TBC1D8: variants seen among roughly 807,000 people sequenced by gnomAD.
TBC1D8 encodes the protein TBC1 domain family member 8, also known as BUB2-like protein 1.
Under a neutral mutation model 118.8 loss-of-function variants are expected in TBC1D8, and 65 were observed. The ratio of observed to expected loss-of-function variants is 0.55; its 90% CI spans 0.45 to 0.67. The LOEUF is 0.67. Among genes scored for constraint, TBC1D8 ranks in the 30% least tolerant of loss-of-function variants. The pLI, the probability that TBC1D8 is intolerant of heterozygous loss-of-function variation, is 0.00. For missense variants in TBC1D8, 1,376 were observed against 1,471.2 expected, an observed-to-expected ratio of 0.94 and a Z score of 1.06; for synonymous variants, 566 against 595.8, an observed-to-expected ratio of 0.95 and a Z score of 0.73.
At chr2:101,126,492 A>T (rs1678364653) in intron 1 of TBC1D8, among the ~76,000 whole-genome samples, 1 of 152,204 alleles carries the variant, frequency 6.6e-6, no homozygotes, top group African/African-American at 2.4e-5. Flanking sequence ...TCACAGAAAG[A>T]AAAGACAGAT....
Position 101,017,085 on chromosome 2 carries a change from AAAAAAGAC to A in TBC1D8, c.2827+4588_2827+4595del, listed in dbSNP as rs1190381843. Among the ~76,000 whole-genome samples the A allele has an allele frequency of 2.0e-4, 20 of 101,022 alleles. No homozygotes were observed. The East Asian group carries it at 2.4e-3, about 12-fold the overall frequency. The allele number at this position is 101,022 out of a possible 152,430, so 66.3% of individuals were successfully genotyped here. A position where few individuals can be genotyped will look rare whatever the true frequency, so the allele number is the denominator to read the frequency against. On this transcript the variant is annotated intron_variant, in intron 17 of 19. Transcript: ENST00000409318. Reference sequence around the variant, plus strand: ...AAACTTAAAAGTATTAAAAAAAAAAAAAAAAGACAAACACGCACATTAGCCTAGGCCTA... The same window carrying A: ...AAACTTAAAAGTATTAAAAAAAAAAAAAACACGCACATTAGCCTAGGCCTA...
chr2:101,037,604 G>T lies in TBC1D8; in HGVS notation c.1380C>A (p.Ser460Arg), dbSNP rs762377485. Residue 460 changes from serine to arginine, a missense_variant, in exon 8 of 20, where the codon AGC (serine) becomes AGA (arginine). Transcript: ENST00000409318. ...CCAGGGCATCGGGGTGCATCAGCGG[G>T]CTCTTCTCTTTCTCACTCTCCTCGC... ...QNSEESEKEKSPLMHPDALVT... is the reference protein window; with the variant it reads ...QNSEESEKEKRPLMHPDALVT... 2 of 1,613,716 alleles carry T rather than the reference G, an allele frequency of 1.2e-6. No homozygotes were observed. The highest frequency in any genetic ancestry group is 1.7e-6 in the Non-Finnish European group (2 of 1,179,886).
intron 1 of TBC1D8, among the ~76,000 whole-genome samples, chr2:101,099,747 C>T (rs1026842226): frequency 1.1e-4 from 16 of 152,128 alleles, no homozygotes; most frequent in Non-Finnish European, 4.4e-5. Context: ...ATGAACAGAA[C>T]CAAAGACAAA....
At chr2:101,140,508 C>T (rs1362177850) in intron 1 of TBC1D8, among the ~76,000 whole-genome samples, 13 of 152,108 alleles carry the variant, frequency 8.5e-5, no homozygotes, top group Non-Finnish European at 1.6e-4. Context: ...CTGATCGCCA[C>T]TACCCAAACA....
intron 2 of TBC1D8, among the ~76,000 whole-genome samples, chr2:101,062,576 G>A (rs1373041552): frequency 4.6e-5 from 7 of 152,164 alleles, no homozygotes; most frequent in African/African-American, 1.4e-4. Context: ...GCAAACCAGG[G>A]CATGAAATGA....
intron 1 of TBC1D8, among the ~76,000 whole-genome samples, chr2:101,136,090 G>C (rs1043545728): frequency 1.3e-5 from 2 of 152,102 alleles, no homozygotes; most frequent in African/African-American, 4.8e-5. Context: ...CTGGACTCAA[G>C]TGATCCGGCA....
intron 11 of TBC1D8, 126 bp downstream of exon 11, chr2:101,032,142 T>C (rs1680705764): frequency 1.2e-6 from 1 of 852,348 alleles, no homozygotes; most frequent in South Asian, 1.7e-5. Flanking sequence ...GGAGTCAAAC[T>C]GTGTTTGCAA....
At chr2:101,138,581 A>G (rs1294564234) in intron 1 of TBC1D8, among the ~76,000 whole-genome samples, 1 of 152,204 alleles carries the variant, frequency 6.6e-6, no homozygotes. Context: ...CTCAGGTTTG[A>G]TAATTTGCCG....
intron 15 of TBC1D8, among the ~76,000 whole-genome samples, chr2:101,023,330 G>T (rs1680154160): frequency 6.6e-6 from 1 of 151,596 alleles, no homozygotes; most frequent in South Asian, 2.1e-4. Context: ...ATTTTTAGTA[G>T]AGATGGGGTT....
chr2:101,149,132 T>C (rs979143214), intron 1 of TBC1D8, among the ~76,000 whole-genome samples: 1 of 152,214 alleles, frequency 6.6e-6, no homozygotes, highest in Non-Finnish European at 1.5e-5. Context: ...TTTGTAGACT[T>C]TTCCCTCTTT....
intron 1 of TBC1D8, among the ~76,000 whole-genome samples, chr2:101,115,507 T>C (rs1162780992): frequency 6.6e-6 from 1 of 152,152 alleles, no homozygotes; most frequent in African/African-American, 2.4e-5. Context: ...TCCCAGCACT[T>C]TGGGAGGCCA....
chr2:101,023,624 G>GT (rs538760976), intron 15 of TBC1D8: 18,896 of 360,272 alleles, frequency 0.052, no homozygotes, highest in South Asian at 0.081. Flanking sequence ...TTTTTTTTAA[G>GT]TTTTTTTTTT....
intron 1 of TBC1D8, among the ~76,000 whole-genome samples, chr2:101,096,664 A>G (rs768171104): frequency 1.3e-5 from 2 of 152,128 alleles, no homozygotes; most frequent in Admixed American, 1.3e-4. Flanking sequence ...GTGAAAAGAA[A>G]ATCAAGGAAA....
chr2:101,150,235 C>G (rs549433210), intron 1 of TBC1D8, among the ~76,000 whole-genome samples: 1 of 152,318 alleles, frequency 6.6e-6, no homozygotes, highest in South Asian at 2.1e-4. Flanking sequence ...GGGACCTAAC[C>G]TAGGTCCTTT....
rs533854400 is a variant in TBC1D8 at position 101,091,658 on chromosome 2, G to A, written c.128-1294C>T. Reference sequence around the variant, plus strand: ...GAGGATGGCTTCAGTTTAGGAGTTCGAGGCTGCAGTGAGTAGTGATGATGC... The same window carrying A: ...GAGGATGGCTTCAGTTTAGGAGTTCAAGGCTGCAGTGAGTAGTGATGATGC... On this transcript the variant is annotated intron_variant, in intron 1 of 19. Coordinates refer to ENST00000409318, the MANE Select transcript of TBC1D8 (RefSeq NM_001330348.2). Among the ~76,000 whole-genome samples, 20 of 152,272 alleles carry A rather than the reference G, an allele frequency of 1.3e-4. No homozygotes were observed. The South Asian group carries it at 1.5e-3, about 11-fold the overall frequency.
intron 7 of TBC1D8, 142 bp downstream of exon 7, chr2:101,038,319 G>A (rs190674747): frequency 1.6e-5 from 16 of 995,778 alleles, no homozygotes; most frequent in African/African-American, 4.8e-5. Context: ...CAGGACAGCC[G>A]GCACATCAGA....
chr2:101,019,164 G>T, intron 17 of TBC1D8: 2 of 1,333,130 alleles, frequency 1.5e-6, no homozygotes, highest in Admixed American at 2.1e-5. Context: ...CCTGGCAGAG[G>T]GCCAGGCCTG....
chr2:101,130,738 G>T (rs1207461463), intron 1 of TBC1D8, among the ~76,000 whole-genome samples: 1 of 152,208 alleles, frequency 6.6e-6, no homozygotes, highest in Non-Finnish European at 1.5e-5. Flanking sequence ...CAAGCTCCAT[G>T]AGGATAGGAT....
intron 1 of TBC1D8, among the ~76,000 whole-genome samples, chr2:101,130,577 T>A (rs190616833): frequency 6.6e-6 from 1 of 152,364 alleles, no homozygotes; most frequent in Admixed American, 6.5e-5. Flanking sequence ...GGGCAAGAGC[T>A]ACAAAAAGTC....
Sources: allele counts gnomAD v4.1 joint callset (sites outside exome capture counted in the v4.1 genomes callset), GRCh38; gene constraint gnomAD v4.1.1; transcripts MANE v1.5; gene names NCBI Gene and HGNC (gene_info 2026-07-23, HGNC 2026-07-21).